UBE2L3: variants seen among roughly 807,000 people sequenced by gnomAD.
UBE2L3 encodes the protein ubiquitin conjugating enzyme E2 L3, also known as ubiquitin-conjugating enzyme E2 L3.
Under a neutral mutation model 17.8 loss-of-function variants are expected in UBE2L3, and 1 was observed. The ratio of observed to expected loss-of-function variants is 0.06; its 90% CI spans 0.02 to 0.27. The LOEUF (loss-of-function observed/expected upper bound fraction) is 0.27, where lower values mean the gene tolerates loss of function less well. Among genes scored for constraint, UBE2L3 ranks in the 10% least tolerant of loss-of-function variants. The probability of loss-of-function intolerance (pLI) is 1.00; values close to 1 mark genes in which losing one functional copy is unlikely to be tolerated. For synonymous variants in UBE2L3, 44 were observed against 68.5 expected (o/e 0.64, Z 1.76); for missense variants, 40 against 192.6 (o/e 0.21, Z 4.69).
chr22:21,568,942 G>T (rs1487483847), intron 1 of UBE2L3, among the ~76,000 whole-genome samples: 3 of 152,106 alleles, frequency 2.0e-5, no homozygotes, highest in Non-Finnish European at 4.4e-5. Context: ...AGTGGAAGTG[G>T]GCACAAAAGA....
intron 1 of UBE2L3, among the ~76,000 whole-genome samples, chr22:21,570,186 G>T (rs929607850): frequency 2.0e-5 from 3 of 152,148 alleles, no homozygotes; most frequent in Non-Finnish European, 4.4e-5. Context: ...ATCCCGAAGG[G>T]CAGGGATCTT....
At chr22:21,611,451 G>A (rs1929472463) in intron 3 of UBE2L3, among the ~76,000 whole-genome samples, 1 of 152,250 alleles carries the variant, frequency 6.6e-6, no homozygotes, top group Admixed American at 6.5e-5. Context: ...AGGAGGAAAG[G>A]AGGTTGGAGA....
chr22:21,615,281 C>T (rs1424213650), intron 3 of UBE2L3, among the ~76,000 whole-genome samples: 4 of 151,926 alleles, frequency 2.6e-5, no homozygotes, highest in South Asian at 2.1e-4. Flanking sequence ...ATGGGCCGGG[C>T]GCGGTGGCTC....
At chr22:21,585,227 A>T (rs1224785128) in intron 1 of UBE2L3, among the ~76,000 whole-genome samples, 1 of 152,186 alleles carries the variant, frequency 6.6e-6, no homozygotes, top group African/African-American at 2.4e-5. Context: ...GGTGGCCTGG[A>T]CGCTAAACAT....
intron 2 of UBE2L3, among the ~76,000 whole-genome samples, chr22:21,610,099 C>T (rs1929400194): frequency 6.6e-6 from 1 of 152,152 alleles, no homozygotes; most frequent in African/African-American, 2.4e-5. Flanking sequence ...GTCTGAAGAT[C>T]AAGGTGCCAA....
At chr22:21,605,461 C>CCTGCCT (rs1929106906) in intron 2 of UBE2L3, among the ~76,000 whole-genome samples, 2 of 152,116 alleles carry the variant, frequency 1.3e-5, no homozygotes, top group African/African-American at 4.8e-5. Flanking sequence ...TCGTGATCCA[C>CCTGCCT]CTGCCTCGGC....
intron 2 of UBE2L3, among the ~76,000 whole-genome samples, chr22:21,598,846 AT>A (rs1192101582): frequency 2.3e-5 from 3 of 130,718 alleles, no homozygotes; most frequent in African/African-American, 3.2e-5. Flanking sequence ...GCCTAGTTCC[AT>A]TTCTTTTTTT....
upstream of UBE2L3, among the ~76,000 whole-genome samples, chr22:21,563,995 T>A (rs1926546175): frequency 1.3e-5 from 2 of 151,652 alleles, no homozygotes; most frequent in Admixed American, 6.6e-5. Context: ...TGTGAGACTG[T>A]ACGCAGCCAA....
At chr22:21,569,932 T>C (rs1273961057) in intron 1 of UBE2L3, among the ~76,000 whole-genome samples, 1 of 152,184 alleles carries the variant, frequency 6.6e-6, no homozygotes, top group Non-Finnish European at 1.5e-5. Context: ...CTGTCTGATG[T>C]CCCTTTGCAC....
At chr22:21,558,794 A>G (rs1287977792) in intron 1 of UBE2L3, among the ~76,000 whole-genome samples, 2 of 152,134 alleles carry the variant, frequency 1.3e-5, no homozygotes, top group Non-Finnish European at 2.9e-5. Context: ...CCAGCCGCAT[A>G]TTTTTTATTT....
intron 1 of UBE2L3, among the ~76,000 whole-genome samples, chr22:21,578,404 G>A (rs950112574): frequency 2.0e-5 from 3 of 151,604 alleles, no homozygotes; most frequent in Admixed American, 6.6e-5. Flanking sequence ...GAAAACCTAA[G>A]CTTCCTGAAG....
chr22:21,612,907 G>A (rs905801280), intron 3 of UBE2L3, among the ~76,000 whole-genome samples: 10 of 152,102 alleles, frequency 6.6e-5, no homozygotes, highest in African/African-American at 1.9e-4. Context: ...AAAGTGCTGG[G>A]ATTACAGGCA....
intron 1 of UBE2L3, among the ~76,000 whole-genome samples, chr22:21,562,089 C>T (rs914730498): frequency 8.6e-5 from 13 of 151,988 alleles, no homozygotes; most frequent in Non-Finnish European, 1.6e-4. Flanking sequence ...CCTCTGAGCC[C>T]CCACACCTCA....
At chr22:21,610,019 AAATAAT>A (rs939819273) in intron 2 of UBE2L3, among the ~76,000 whole-genome samples, 29 of 152,104 alleles carry the variant, frequency 1.9e-4, no homozygotes, top group Admixed American at 5.9e-4. Context: ...GACTCTGAAA[AAATAAT>A]AATAATAAAA....
intron 1 of UBE2L3, among the ~76,000 whole-genome samples, chr22:21,572,446 A>G (rs1214659187): frequency 1.3e-5 from 2 of 151,116 alleles, no homozygotes; most frequent in African/African-American, 4.9e-5. Context: ...AAAAAAGAAA[A>G]CCCTGAGACA....
At chr22:21,602,112 G>A (rs1168495006) in intron 2 of UBE2L3, among the ~76,000 whole-genome samples, 1 of 152,142 alleles carries the variant, frequency 6.6e-6, no homozygotes, top group Non-Finnish European at 1.5e-5. Context: ...CCTGTGGCAG[G>A]GAAAGCTTCA....
At chr22:21,576,009 A>G (rs1411561261) in intron 1 of UBE2L3, among the ~76,000 whole-genome samples, 6 of 152,068 alleles carry the variant, frequency 3.9e-5, no homozygotes, top group South Asian at 2.1e-4. Flanking sequence ...TATTGTAAAC[A>G]TCCAGTGTAG....
chr22:21,614,647 C>A (rs1378968832), intron 3 of UBE2L3: 2 of 1,365,918 alleles, frequency 1.5e-6, no homozygotes, highest in Non-Finnish European at 2.0e-6. Context: ...TGACTTTAGC[C>A]ACCCACAAGT....
chr22:21,592,499 A>G (rs1928318449), intron 1 of UBE2L3, among the ~76,000 whole-genome samples: 2 of 152,072 alleles, frequency 1.3e-5, no homozygotes, highest in South Asian at 4.1e-4. Context: ...GCACCTCAGG[A>G]TAGCTCCTGC....
Sources: allele counts gnomAD v4.1 joint callset (sites outside exome capture counted in the v4.1 genomes callset), GRCh38; gene constraint gnomAD v4.1.1; transcripts MANE v1.5; gene names NCBI Gene and HGNC (gene_info 2026-07-23, HGNC 2026-07-21).